The following PPM1H variants were observed in gnomAD, a reference collection of about 807,000 sequenced individuals.
The protein encoded by PPM1H is protein phosphatase, Mg2+/Mn2+ dependent 1H.
A neutral mutation model predicts 54.9 loss-of-function variants in PPM1H; 27 were observed. That is an observed-to-expected ratio of 0.49 (90% CI 0.36 to 0.68). The LOEUF (loss-of-function observed/expected upper bound fraction) is 0.68, where lower values mean the gene tolerates loss of function less well. PPM1H is among the 30% of genes least tolerant of loss of function. PPM1H has a pLI of 0.00. For missense variants in PPM1H, 596 were observed against 667.8 expected, an observed-to-expected ratio of 0.89 and a Z score of 1.19; for synonymous variants, 305 against 270.8, an observed-to-expected ratio of 1.13 and a Z score of -1.24.
intron 2 of PPM1H, among the ~76,000 whole-genome samples, chr12:62,805,067 C>T (rs997634773): frequency 6.6e-6 from 1 of 152,134 alleles, no homozygotes; most frequent in Non-Finnish European, 1.5e-5. Context: ...TCTGAATAGA[C>T]ATTTCTCAAA....
At chr12:62,785,567 C>G (rs1391800500) in intron 4 of PPM1H, among the ~76,000 whole-genome samples, 1 of 152,116 alleles carries the variant, frequency 6.6e-6, no homozygotes, top group African/African-American at 2.4e-5. Flanking sequence ...ATAAAATAAC[C>G]AAAAGATACT....
At chr12:62,883,763 G>C (rs1870479937) in intron 1 of PPM1H, among the ~76,000 whole-genome samples, 1 of 152,088 alleles carries the variant, frequency 6.6e-6, no homozygotes, top group Non-Finnish European at 1.5e-5. Context: ...ATGGCAGTTT[G>C]AGTTTTCAAA....
At chr12:62,880,480 C>T (rs1870352992) in intron 1 of PPM1H, among the ~76,000 whole-genome samples, 2 of 152,130 alleles carry the variant, frequency 1.3e-5, no homozygotes, top group Non-Finnish European at 2.9e-5. Flanking sequence ...CAACCCCCAG[C>T]CTGGAAGCTG....
At chr12:62,712,373 G>A (rs2076212294) in intron 6 of PPM1H, among the ~76,000 whole-genome samples, 1 of 152,164 alleles carries the variant, frequency 6.6e-6, no homozygotes, top group African/African-American at 2.4e-5. Flanking sequence ...GTTGCTGAGA[G>A]GAAATGAATA....
Position 62,922,098 on chromosome 12 carries a change from G to T in PPM1H, c.245+12394C>A, listed in dbSNP as rs540686907. The stretch of plus-strand genomic sequence containing the variant: ...TGTAGTCCAAAAATATAGTAATTTT[G>T]ACAAGGTTTGGACTGTTATACTTAG... On this transcript the variant is annotated intron_variant, in intron 1 of 9. Transcript: ENST00000228705. Among the ~76,000 whole-genome samples the T allele has an allele frequency of 6.6e-5, 10 of 152,258 alleles. No homozygotes were observed. In the South Asian group the frequency reaches 1.9e-3, roughly 28 times the overall value.
At chr12:62,762,072 T>G (rs1046511489) in intron 4 of PPM1H, among the ~76,000 whole-genome samples, 5 of 152,212 alleles carry the variant, frequency 3.3e-5, no homozygotes, top group Non-Finnish European at 7.3e-5. Flanking sequence ...TGCCAACAAC[T>G]TGGGAGTCCC....
chr12:62,787,400 C>T (rs191685032), intron 4 of PPM1H, among the ~76,000 whole-genome samples: 1 of 152,328 alleles, frequency 6.6e-6, no homozygotes, highest in African/African-American at 2.4e-5. Context: ...AAAGGCCCCA[C>T]TCTCAGGCCA....
chr12:62,741,604 C>T (rs1319961837), intron 4 of PPM1H, among the ~76,000 whole-genome samples: 2 of 152,156 alleles, frequency 1.3e-5, no homozygotes, highest in Non-Finnish European at 2.9e-5. Flanking sequence ...TTCTGTTGTC[C>T]TCCTGGCCTA....
At chr12:62,837,494 C>T (rs957092506) in intron 1 of PPM1H, among the ~76,000 whole-genome samples, 1 of 152,186 alleles carries the variant, frequency 6.6e-6, no homozygotes, top group Non-Finnish European at 1.5e-5. Context: ...AACACCAACT[C>T]TCTCTCCCTC....
At chr12:62,747,484 C>T (rs1388048660) in intron 4 of PPM1H, among the ~76,000 whole-genome samples, 1 of 152,178 alleles carries the variant, frequency 6.6e-6, no homozygotes, top group Admixed American at 6.5e-5. Flanking sequence ...GTGATCCTCA[C>T]ACCTAAGCCT....
chr12:62,836,001 T>G (rs1868491761), intron 1 of PPM1H, among the ~76,000 whole-genome samples: 1 of 152,224 alleles, frequency 6.6e-6, no homozygotes. Context: ...ATTCAACAGA[T>G]TCCTTAAAGG....
At chr12:62,916,448 T>C (rs916089466) in intron 1 of PPM1H, among the ~76,000 whole-genome samples, 2 of 152,214 alleles carry the variant, frequency 1.3e-5, no homozygotes, top group Non-Finnish European at 2.9e-5. Flanking sequence ...AGATGGTTCA[T>C]CTTTAAGTCT....
chr12:62,808,515 C>T (rs1029408189), intron 2 of PPM1H, among the ~76,000 whole-genome samples: 1 of 152,120 alleles, frequency 6.6e-6, no homozygotes, highest in Non-Finnish European at 1.5e-5. Context: ...AGTCTAACAG[C>T]CTGCTCTGTG....
At chr12:62,923,454 T>C (rs556218829) in intron 1 of PPM1H, among the ~76,000 whole-genome samples, 1 of 152,078 alleles carries the variant, frequency 6.6e-6, no homozygotes, top group Non-Finnish European at 1.5e-5. Context: ...CAGGCTGGAG[T>C]GCAATGGCGC....
chr12:62,922,579 G>A (rs775055417), intron 1 of PPM1H, among the ~76,000 whole-genome samples: 3 of 152,102 alleles, frequency 2.0e-5, no homozygotes, highest in Non-Finnish European at 4.4e-5. Flanking sequence ...CTAAATATGA[G>A]AGCATAAAGT....
At chr12:62,900,543 A>ATAAT (rs1029258748) in intron 1 of PPM1H, among the ~76,000 whole-genome samples, 17 of 150,508 alleles carry the variant, frequency 1.1e-4, no homozygotes, top group Non-Finnish European at 1.3e-4. Flanking sequence ...AATAATAATA[A>ATAAT]TAATAATAAT....
intron 1 of PPM1H, among the ~76,000 whole-genome samples, chr12:62,879,507 T>C (rs1192330567): frequency 6.6e-6 from 1 of 151,944 alleles, no homozygotes; most frequent in Non-Finnish European, 1.5e-5. Flanking sequence ...CAAAATATCA[T>C]AAGGACAGAA....
At chr12:62,831,854 T>C (rs749112843) in intron 2 of PPM1H, among the ~76,000 whole-genome samples, 9 of 151,742 alleles carry the variant, frequency 5.9e-5, no homozygotes, top group Non-Finnish European at 1.3e-4. Context: ...TATCAATTAT[T>C]GCAACAAGAG....
chr12:62,674,564 C>G (rs2075975124), intron 8 of PPM1H, among the ~76,000 whole-genome samples: 1 of 152,192 alleles, frequency 6.6e-6, no homozygotes, highest in Non-Finnish European at 1.5e-5. Context: ...CTGTAGTAGT[C>G]TATCTACTTT....
Sources: gnomAD v4.1 joint callset for allele counts (sites outside exome capture counted in the v4.1 genomes callset) on GRCh38, gnomAD v4.1.1 for gene constraint, MANE v1.5 for transcripts, NCBI Gene and HGNC (gene_info 2026-07-23, HGNC 2026-07-21) for gene names.